Variants in NFATC2 observed in about 807,000 individuals in gnomAD.
The protein encoded by NFATC2 is nuclear factor of activated T cells 2.
A neutral mutation model predicts 87.3 loss-of-function variants in NFATC2; 22 were observed. The ratio of observed to expected loss-of-function variants is 0.25; its 90% CI spans 0.18 to 0.36. The LOEUF (loss-of-function observed/expected upper bound fraction) is 0.36, where lower values mean the gene tolerates loss of function less well. NFATC2 is among the 10% of genes least tolerant of loss of function. NFATC2 has a pLI of 1.00. For missense variants in NFATC2, 1,149 were observed against 1,259.1 expected, an observed-to-expected ratio of 0.91 and a Z score of 1.32; for synonymous variants, 565 against 542.2, an observed-to-expected ratio of 1.04 and a Z score of -0.58.
chr20:51,528,397 GAGATGTACACACAATGTACACAGAC>G (rs2076580327), intron 1 of NFATC2, among the ~76,000 whole-genome samples: 1 of 146,570 alleles, frequency 6.8e-6, no homozygotes, highest in Non-Finnish European at 1.5e-5. Context: ...CAAACACAGA[GAGATGTACACACAATGTACACAGAC>G]AGATGTACAC....
intron 1 of NFATC2, among the ~76,000 whole-genome samples, chr20:51,561,484 A>AAGCAAGCAAGCAAGC (rs2077029826): frequency 7.8e-5 from 7 of 90,054 alleles, no homozygotes; most frequent in South Asian, 4.2e-4. Flanking sequence ...AGAAAGAAAG[A>AAGCAAGCAAGCAAGC]AAGCAAGCAA....
chr20:51,431,113 C>G (rs1982638094), intron 9 of NFATC2, among the ~76,000 whole-genome samples: 1 of 152,118 alleles, frequency 6.6e-6, no homozygotes, highest in South Asian at 2.1e-4. Context: ...ACTTTGCATG[C>G]CTGTCTCCAA....
rs910945823 is a variant in NFATC2 at position 51,556,540 on chromosome 20, G to A, written c.70+6020C>T. On this transcript the variant is annotated intron_variant, in intron 1 of 10. Transcript: ENST00000414705. ...ATCCCCAGCATCTTGGAAAGTACCCGGCACGTGATAGATCCCCAAACATCT... is the reference window on the plus strand; with the variant it reads ...ATCCCCAGCATCTTGGAAAGTACCCAGCACGTGATAGATCCCCAAACATCT... 6.6e-5 allele frequency among the ~76,000 whole-genome samples: 10 copies of A among 152,142 alleles called. No individual in the cohort carries two copies. In the East Asian group the frequency reaches 9.6e-4, roughly 15 times the overall value.
intron 3 of NFATC2, among the ~76,000 whole-genome samples, chr20:51,483,247 C>A (rs927623939): frequency 2.6e-5 from 4 of 152,180 alleles, no homozygotes; most frequent in African/African-American, 9.7e-5. Flanking sequence ...TTTAAATACT[C>A]TCAGTTGGAC....
chr20:51,410,196 C>T (rs1292540692), intron 9 of NFATC2, among the ~76,000 whole-genome samples: 6 of 111,000 alleles, frequency 5.4e-5, no homozygotes, highest in African/African-American at 7.3e-5. Flanking sequence ...GGCGACAGAG[C>T]GAGACTCTGT....
chr20:51,397,825 G>C (rs1987412937), intron 10 of NFATC2, among the ~76,000 whole-genome samples: 1 of 152,218 alleles, frequency 6.6e-6, no homozygotes, highest in Admixed American at 6.5e-5. Flanking sequence ...GCTGGGCACT[G>C]TGTGTGCTGG....
intron 5 of NFATC2, among the ~76,000 whole-genome samples, chr20:51,462,747 T>C (rs1307706057): frequency 6.6e-6 from 1 of 152,026 alleles, no homozygotes; most frequent in Non-Finnish European, 1.5e-5. Context: ...TGAATGTTAG[T>C]TGTGTTTATT....
chr20:51,523,195 A>T lies in NFATC2; in HGVS notation c.1046T>A (p.Val349Glu), dbSNP rs1293782350. Residue 349 changes from valine to glutamate, a missense_variant, in exon 2 of 11, where the codon GTG becomes GAG. Transcript: ENST00000371564. The surrounding 1 kb of genome is among the most constrained non-coding windows in gnomAD (Gnocchi z 6.9). ...AGLPRHIYPA[V>E]EFLGPCEQGE... Reference sequence around the variant, plus strand: ...CTGCTCGCAGGGCCCCAGGAACTCCACGGCCGGGTAGATGTGGCGAGGCAG... The same window carrying T: ...CTGCTCGCAGGGCCCCAGGAACTCCTCGGCCGGGTAGATGTGGCGAGGCAG... 1.2e-6 allele frequency: 2 copies of T among 1,613,982 alleles called. No individual in the cohort carries two copies.
chr20:51,505,299 C>G (rs1459399974), intron 3 of NFATC2, among the ~76,000 whole-genome samples: 3 of 151,720 alleles, frequency 2.0e-5, no homozygotes, highest in Non-Finnish European at 4.4e-5. Context: ...GGATTACAGG[C>G]GTGAGCCACC....
chr20:51,450,447 T>C (rs1985628958), intron 6 of NFATC2, among the ~76,000 whole-genome samples: 2 of 152,182 alleles, frequency 1.3e-5, no homozygotes, highest in Admixed American at 1.3e-4. Context: ...TTCACTATGT[T>C]GAACTCACTA....
intron 5 of NFATC2, among the ~76,000 whole-genome samples, chr20:51,460,308 C>T (rs78301570): frequency 0.012 from 1,888 of 152,262 alleles, 37 homozygotes; most frequent in African/African-American, 0.043. Context: ...GTGTTGGACA[C>T]CCCCCTGGTT....
Position 51,475,460 on chromosome 20 carries a change from T to A in NFATC2, c.1533A>T (p.Ala511=). 6.2e-7 allele frequency: 1 copy of A among 1,613,642 alleles called. No homozygotes were observed. Among genetic ancestry groups the A allele is most frequent in the Non-Finnish European group, 8.5e-7 (1 of 1,180,008 alleles). The change falls in exon 4 of 11, where the codon GCA becomes GCT. Residue 511 remains alanine (A), a splice_region_variant and synonymous_variant. Coordinates refer to ENST00000371564, the MANE Select transcript of NFATC2 (RefSeq NM_012340.5). ...IPLEPKNNMR[A]TIDCAGILKL... is the part of the protein sequence containing the mutation. ...CGCCCTCAGCTCCCAGCCCTTACGT[T>A]GCCCTCATGTTGTTTTTGGGCTCCA...
At chr20:51,447,598 T>C (rs907278352) in intron 6 of NFATC2, among the ~76,000 whole-genome samples, 1 of 152,208 alleles carries the variant, frequency 6.6e-6, no homozygotes, top group African/African-American at 2.4e-5. Context: ...TTTGTGTCCT[T>C]AGATTTTTTC....
At chr20:51,486,992 T>C (rs556370305) in intron 3 of NFATC2, among the ~76,000 whole-genome samples, 1 of 152,202 alleles carries the variant, frequency 6.6e-6, no homozygotes, top group Non-Finnish European at 1.5e-5. Context: ...TGGCAGCTCA[T>C]GGAGATGGCG....
intron 10 of NFATC2, among the ~76,000 whole-genome samples, chr20:51,394,759 C>T (rs1986813662): frequency 6.6e-6 from 1 of 152,226 alleles, no homozygotes; most frequent in Non-Finnish European, 1.5e-5. Flanking sequence ...AACCACTCTC[C>T]TGTATTATTG....
intron 1 of NFATC2, among the ~76,000 whole-genome samples, chr20:51,541,864 T>A (rs867385440): frequency 1.2e-4 from 19 of 152,172 alleles, no homozygotes; most frequent in Non-Finnish European, 2.5e-4. Context: ...TGATGGGAGC[T>A]GCGTGGCCTC....
intron 2 of NFATC2, among the ~76,000 whole-genome samples, chr20:51,517,898 C>G (rs1002334605): frequency 9.0e-5 from 12 of 132,844 alleles, no homozygotes; most frequent in African/African-American, 3.1e-4. Context: ...GCCTGGGTAA[C>G]AGAGAGACTG....
Position 51,432,092 on chromosome 20 carries a change from G to A in NFATC2, c.2697C>T (p.Asn899=). The A allele has an allele frequency of 6.5e-7, 1 of 1,536,868 alleles. No homozygotes were observed. Among genetic ancestry groups the A allele is most frequent in the Non-Finnish European group, 8.8e-7 (1 of 1,138,636 alleles). Residue 899 remains asparagine (N), a synonymous_variant, in exon 9 of 11, where the codon AAC becomes AAT. Transcript: ENST00000371564. The surrounding 1 kb of genome is among the most constrained non-coding windows in gnomAD (Gnocchi z 4.6). Reference sequence around the variant, plus strand: ...CATCATCCAAGTAGGTCTGGTCCAAGTTCTGCTCCTGTTTAATGGTCACCC... The same window carrying A: ...CATCATCCAAGTAGGTCTGGTCCAAATTCTGCTCCTGTTTAATGGTCACCC... ...PAGVTIKQEQ[N]LDQTYLDDEL... is the part of the protein sequence containing the mutation.
rs200627667 is a variant in NFATC2 at position 51,391,472 on chromosome 20, G to T, written c.*45-21C>A. The T allele has an allele frequency of 7.2e-4, 1,144 of 1,587,054 alleles. 14 individuals carry two copies. Among genetic ancestry groups the T allele is most frequent in the Admixed American group, 1.0e-3 (61 of 59,738 alleles). On this transcript the variant is annotated intron_variant, in intron 10 of 10. Coordinates refer to ENST00000371564, the MANE Select transcript of NFATC2 (RefSeq NM_012340.5). Reference sequence around the variant, plus strand: ...ATTAACTACAAAAGAAAAGAGGAGGGGGGGGGAGAGAGAATGGGGCAAGTG... The same window carrying T: ...ATTAACTACAAAAGAAAAGAGGAGGTGGGGGGAGAGAGAATGGGGCAAGTG...
Sources: allele counts gnomAD v4.1 joint callset (sites outside exome capture counted in the v4.1 genomes callset), GRCh38; gene constraint gnomAD v4.1.1; non-coding constraint Gnocchi (gnomAD v3.1); transcripts MANE v1.5; gene names NCBI Gene and HGNC (gene_info 2026-07-23, HGNC 2026-07-21).